The following NBPF14 variants were observed in gnomAD, a reference collection of about 807,000 sequenced individuals.
NBPF14 encodes the protein NBPF family member NBPF14.
NBPF14 carries 104 observed loss-of-function variants against 91.2 expected under a neutral mutation model. That is an observed-to-expected ratio of 1.14 (90% CI 0.97 to 1.34). NBPF14 has a LOEUF of 1.34. NBPF14 is among the 40% of genes most tolerant of loss of function. The probability of loss-of-function intolerance (pLI) is 0.00; values close to 1 mark genes in which losing one functional copy is unlikely to be tolerated. For synonymous variants in NBPF14, 294 were observed against 303.8 expected, an observed-to-expected ratio of 0.97 and a Z score of 0.34; for missense variants, 908 against 783.0, an observed-to-expected ratio of 1.16 and a Z score of -1.91.
intron 70 of NBPF14, among the ~76,000 whole-genome samples, 186 bp from the exon 71 acceptor site, chr1:148,533,434 A>C (rs1654104564): frequency 1.3e-5 from 2 of 151,330 alleles, no homozygotes; most frequent in East Asian, 1.9e-4. Context: ...AAAACAATGA[A>C]AGAGAAAGAC....
At chr1:148,586,919 T>C (rs1661634680) in intron 8 of NBPF14, among the ~76,000 whole-genome samples, 1 of 143,780 alleles carries the variant, frequency 7.0e-6, no homozygotes. Flanking sequence ...GAGGCAACAT[T>C]GATTGAGTGA....
At chr1:148,579,265 T>C in intron 12 of NBPF14, 28 bp from the exon 13 acceptor site, 1 of 300,032 alleles carries the variant, frequency 3.3e-6, no homozygotes, top group Non-Finnish European at 5.8e-6. Context: ...ACAGGGATGA[T>C]AGAAGATTTA....
intron 16 of NBPF14, among the ~76,000 whole-genome samples, 156 bp from the exon 17 acceptor site, chr1:148,575,967 C>G (rs1470171834): frequency 1.5e-5 from 2 of 134,998 alleles, no homozygotes; most frequent in African/African-American, 5.8e-5. Flanking sequence ...TTGGGATAGA[C>G]CAGGGCCAGG....
chr1:148,593,215 T>C (rs1399211380), intron 3 of NBPF14, among the ~76,000 whole-genome samples: 1 of 148,412 alleles, frequency 6.7e-6, no homozygotes, highest in East Asian at 1.9e-4. Context: ...GGAGGCAACA[T>C]TGATTGAGTG....
chr1:148,534,644 A>T lies in NBPF14; in HGVS notation c.8614+40T>A, dbSNP rs1267780141. Reference sequence around the variant, plus strand: ...TAGGAATATCACCCCTATCTGGAAGACCAGGTGGAGGCTTATCACCTTCAT... The same window carrying T: ...TAGGAATATCACCCCTATCTGGAAGTCCAGGTGGAGGCTTATCACCTTCAT... On this transcript the variant is annotated intron_variant, in intron 69 of 70. Coordinates refer to ENST00000619423, the Ensembl canonical transcript of NBPF14. The T allele has an allele frequency of 1.5e-4, 128 of 871,094 alleles. 1 individual carries two copies. The African/African-American group carries it at 1.7e-3, about 12-fold the overall frequency. 54.0% of individuals were successfully genotyped at this position (871,094 alleles called of 1,614,324 possible).
At chr1:148,580,842 G>T (rs1333753225) in intron 12 of NBPF14, among the ~76,000 whole-genome samples, 1 of 112,136 alleles carries the variant, frequency 8.9e-6, no homozygotes, top group Admixed American at 9.1e-5. Flanking sequence ...ATTATTTTTT[G>T]TGTGTATGTA....
chr1:148,534,757 G>T, exon 69 of NBPF14: 1 of 819,800 alleles, frequency 1.2e-6, no homozygotes, highest in Non-Finnish European at 2.1e-6. Context: ...GCTGGCCTAA[G>T]TCAGGCAGTT....
exon 71 of NBPF14, chr1:148,532,408 T>C (rs1188017396): frequency 6.2e-6 from 1 of 162,312 alleles, no homozygotes; most frequent in Non-Finnish European, 1.4e-5. Flanking sequence ...TGTTTGTCCA[T>C]CTAGCTGTGG....
At position 148,590,043 on chromosome 1, in the gene NBPF14, T is replaced by C. The variant is rs1662212230; in HGVS notation, c.779-650A>G. Among the ~76,000 whole-genome samples, 2 of 105,692 alleles carry C rather than the reference T, an allele frequency of 1.9e-5. 1 individual carries two copies. The highest frequency in any genetic ancestry group is 4.2e-5 in the Non-Finnish European group (2 of 47,830). The allele number at this position is 105,692 out of a possible 152,430, so 69.3% of individuals were successfully genotyped here. On this transcript the variant is annotated intron_variant, in intron 6 of 70. Transcript: ENST00000619423. ...AGCGCCCCTGGTCAGAGACTTACTTTTTTTTTTTTTTTTTTTTTTTTTTGA... is the reference window on the plus strand; with the variant it reads ...AGCGCCCCTGGTCAGAGACTTACTTCTTTTTTTTTTTTTTTTTTTTTTTGA...
chr1:148,577,553 C>T (rs1349563597), intron 14 of NBPF14, among the ~76,000 whole-genome samples, 198 bp from the exon 15 acceptor site: 1 of 149,626 alleles, frequency 6.7e-6, no homozygotes, highest in South Asian at 2.1e-4. Flanking sequence ...GACACACACA[C>T]ACACACACAC....
intron 68 of NBPF14, 141 bp downstream of exon 68, chr1:148,535,312 C>A (rs1340372040): frequency 4.9e-6 from 3 of 612,788 alleles, no homozygotes; most frequent in African/African-American, 2.0e-5. Context: ...ACATCTACTG[C>A]AATGAAAACC....
intron 69 of NBPF14, 30 bp from the exon 70 acceptor site, chr1:148,533,999 A>G (rs1258784421): frequency 1.3e-5 from 9 of 687,934 alleles, no homozygotes; most frequent in Admixed American, 2.1e-5. Context: ...GGACAGACAC[A>G]TTAAGCTGAT....
At position 148,561,865 on chromosome 1, in the gene NBPF14, TC is replaced by T. The variant is rs1312847165; in HGVS notation, c.4275-287del. ...GAGAGAGAACGAGCTCAGTGAATTG[TC>T]CAGGTGACACACTGATGAGGGAGTA... On this transcript the variant is annotated intron_variant, in intron 34 of 70. Coordinates refer to ENST00000619423, the Ensembl canonical transcript of NBPF14. Among the ~76,000 whole-genome samples, 9 of 134,420 alleles carry T rather than the reference TC, an allele frequency of 6.7e-5. 2 individuals carry two copies. Among genetic ancestry groups the T allele is most frequent in the African/African-American group, 3.3e-4 (9 of 27,364 alleles). 88.2% of individuals were successfully genotyped at this position (134,420 alleles called of 152,430 possible).
At chr1:148,590,041 T>A (rs1169066386) in intron 6 of NBPF14, among the ~76,000 whole-genome samples, 946 of 80,356 alleles carry the variant, frequency 0.012, 27 homozygotes, top group Middle Eastern at 0.039. Context: ...AGAGACTTAC[T>A]TTTTTTTTTT....
chr1:148,560,017 A>C (rs1657443884), intron 36 of NBPF14, 52 bp from the exon 37 acceptor site: 8 of 752,940 alleles, frequency 1.1e-5, no homozygotes, highest in Non-Finnish European at 1.6e-5. Flanking sequence ...CAGAAACCAC[A>C]CAGCCCCAGC....
At chr1:148,579,196 G>T (rs1378170041) in exon 13 of NBPF14, 4 of 414,208 alleles carry the variant, frequency 9.7e-6, no homozygotes, top group South Asian at 6.6e-5. Context: ...TTCATCCCAG[G>T]ACTCCTGGGG....
chr1:148,592,083 G>GT (rs1662593606), intron 4 of NBPF14, among the ~76,000 whole-genome samples: 1 of 129,122 alleles, frequency 7.7e-6, no homozygotes. Flanking sequence ...AAAAGCATTC[G>GT]TAAGTGTTCC....
chr1:148,534,640 G>T (rs1188865539), intron 69 of NBPF14, 44 bp downstream of exon 69: 3 of 877,984 alleles, frequency 3.4e-6, no homozygotes, highest in African/African-American at 3.4e-5. Context: ...CCCCTATCTG[G>T]AAGACCAGGT....
At chr1:148,559,811 A>C in exon 37 of NBPF14, 1 of 1,531,880 alleles carries the variant, frequency 6.5e-7, no homozygotes, top group Non-Finnish European at 8.7e-7. Flanking sequence ...TCAACAGCCA[A>C]GCCAACACGC....
Sources: gnomAD v4.1 joint callset for allele counts (sites outside exome capture counted in the v4.1 genomes callset) on GRCh38, gnomAD v4.1.1 for gene constraint, MANE v1.5 for transcripts, NCBI Gene and HGNC (gene_info 2026-07-23, HGNC 2026-07-21) for gene names.